Variants in ZNF510 observed in about 807,000 individuals in gnomAD.
ZNF510 encodes the protein zinc finger protein 510.
Under a neutral mutation model 18.1 loss-of-function variants are expected in ZNF510, and 15 were observed. That is an observed-to-expected ratio of 0.83 (90% CI 0.55 to 1.28). ZNF510 has a LOEUF of 1.28. ZNF510 is among the 50% of genes most tolerant of loss of function. The pLI is 0.00. For synonymous variants in ZNF510, 261 were observed against 266.4 expected (o/e 0.98, Z 0.20); for missense variants, 724 against 791.8 (o/e 0.91, Z 1.03).
At chr9:96,762,533 A>ATTT (rs1849378371) in intron 5 of ZNF510, among the ~76,000 whole-genome samples, 1 of 151,760 alleles carries the variant, frequency 6.6e-6, no homozygotes, top group Non-Finnish European at 1.5e-5. Context: ...AGAAAAGAAA[A>ATTT]AGAAAACATC....
At position 96,763,597 on chromosome 9, in the gene ZNF510, G is replaced by A. The variant is rs766147898; in HGVS notation, c.165C>T (p.Phe55=). 3 of 1,613,296 alleles carry A rather than the reference G, an allele frequency of 1.9e-6. No individual in the cohort carries two copies. Among genetic ancestry groups the A allele is most frequent in the Non-Finnish European group, 2.5e-6 (3 of 1,179,608 alleles). The part of the protein sequence containing the change: ...SVSFKDVTIE[F]TQEEWQQMAP... ...CCATTTGCTGCCACTCCTCCTGGGT[G>A]AATTCTATAGTCACGTCCTTGAATG... The change falls in exon 4 of 6, where the codon TTC becomes TTT. Residue 55 remains phenylalanine (F), a synonymous_variant. Coordinates refer to ENST00000223428, the MANE Select transcript of ZNF510 (RefSeq NM_014930.3).
At position 96,759,757 on chromosome 9, in the gene ZNF510, A is replaced by G. The variant is rs752461423; in HGVS notation, c.1073T>C (p.Val358Ala). The change falls in exon 6 of 6, where the codon GTC becomes GCC. Residue 358 changes from valine (V) to alanine (A), a missense_variant. By Grantham distance (64) the Val-to-Ala change is moderately conservative. Transcript: ENST00000223428. ...KAHLTDPQTA[V>A]IEENPLVSND... ...ACTTACCAATGGGTTCTCTTCTATG[A>G]CAGCTGTTTGAGGATCAGTGAGGTG... The G allele has an allele frequency of 1.2e-6, 2 of 1,614,040 alleles. No homozygotes were observed. Among genetic ancestry groups the G allele is most frequent in the Non-Finnish European group, 8.5e-7 (1 of 1,179,986 alleles).
At chr9:96,775,793 TGATG>T (rs1214902069) in intron 2 of ZNF510, among the ~76,000 whole-genome samples, 1 of 152,204 alleles carries the variant, frequency 6.6e-6, no homozygotes, top group Non-Finnish European at 1.5e-5. Flanking sequence ...ATGCTACATG[TGATG>T]GATGTTGTGT....
chr9:96,765,950 T>G (rs1849460822), intron 3 of ZNF510, among the ~76,000 whole-genome samples: 2 of 152,172 alleles, frequency 1.3e-5, no homozygotes, highest in African/African-American at 4.8e-5. Context: ...AGTTATGGTG[T>G]TGTTGGCCAT....
chr9:96,770,337 C>T (rs752572328), intron 3 of ZNF510, among the ~76,000 whole-genome samples: 9 of 151,584 alleles, frequency 5.9e-5, no homozygotes, highest in Non-Finnish European at 1.2e-4. Flanking sequence ...CACCTGTAAT[C>T]GCAGAACTTT....
At chr9:96,767,187 G>A (rs1849491065) in intron 3 of ZNF510, among the ~76,000 whole-genome samples, 1 of 152,082 alleles carries the variant, frequency 6.6e-6, no homozygotes, top group Non-Finnish European at 1.5e-5. Flanking sequence ...AATTAGCCAG[G>A]TGTGGTGGTG....
Position 96,755,194 on chromosome 9 carries a change from A to C in ZNF510, c.*3584T>G, listed in dbSNP as rs184255495. Among the ~76,000 whole-genome samples the C allele has an allele frequency of 6.6e-6, 1 of 152,342 alleles. No homozygotes were observed. The highest frequency in any genetic ancestry group is 1.5e-5 in the Non-Finnish European group (1 of 68,030). ...CCTCGGTGAATCAGTTCCACCCTAC[A>C]GGGTTCCTGATCCTTAATACCAAAC... is the stretch of plus-strand genomic sequence containing the variant. On this transcript the variant is annotated 3_prime_UTR_variant, in exon 6 of 6. Transcript: ENST00000223428.
intron 3 of ZNF510, among the ~76,000 whole-genome samples, chr9:96,764,564 TATG>T (rs1849426946): frequency 6.6e-6 from 1 of 152,230 alleles, no homozygotes; most frequent in African/African-American, 2.4e-5. Flanking sequence ...TCAGAGACCT[TATG>T]ATTGTCAAAA....
intron 3 of ZNF510, among the ~76,000 whole-genome samples, chr9:96,772,744 C>T (rs1007527598): frequency 3.3e-4 from 50 of 152,298 alleles, no homozygotes; most frequent in African/African-American, 1.2e-3. Context: ...AAGTGTTGCT[C>T]AGAATCTGGT....
chr9:96,766,380 A>ATT (rs542441576), intron 3 of ZNF510, among the ~76,000 whole-genome samples: 3 of 145,736 alleles, frequency 2.1e-5, no homozygotes, highest in African/African-American at 2.5e-5. Flanking sequence ...ACCACTACCA[A>ATT]TTTTTTTTTT....
chr9:96,774,735 C>G, intron 3 of ZNF510, 53 bp downstream of exon 3: 1 of 1,458,808 alleles, frequency 6.9e-7, no homozygotes, highest in Non-Finnish European at 9.6e-7. Flanking sequence ...AATATGTGGA[C>G]CCTTAAACAC....
chr9:96,763,072 C>A, intron 5 of ZNF510, 46 bp downstream of exon 5: 1 of 1,532,014 alleles, frequency 6.5e-7, no homozygotes, highest in South Asian at 1.1e-5. Flanking sequence ...GACCTGGAGT[C>A]TAACCACTCC....
At chr9:96,775,825 T>C (rs1849685609) in intron 2 of ZNF510, among the ~76,000 whole-genome samples, 175 bp downstream of exon 2, 1 of 152,194 alleles carries the variant, frequency 6.6e-6, no homozygotes, top group Non-Finnish European at 1.5e-5. Flanking sequence ...ACTCAGAATC[T>C]GGAAAGAGTG....
At position 96,759,721 on chromosome 9, in the gene ZNF510, G is replaced by T. The variant is rs1404426149; in HGVS notation, c.1109C>A (p.Thr370Lys). ...TTCAGAGGATTTAACCCAAGTCTGT[G>T]TTCTGTCATTACTTACCAATGGGTT... ...EENPLVSNDR[T>K]QTWVKSSEYH... The change falls in exon 6 of 6, where the codon ACA becomes AAA. Residue 370 changes from threonine (T) to lysine (K), a missense_variant. Thr to Lys is a moderately conservative substitution (Grantham distance 78, BLOSUM62 -1). Transcript: ENST00000223428. The T allele has an allele frequency of 6.2e-7, 1 of 1,613,848 alleles. No homozygotes were observed. Among genetic ancestry groups the T allele is most frequent in the African/African-American group, 1.3e-5 (1 of 74,930 alleles).
intron 3 of ZNF510, among the ~76,000 whole-genome samples, chr9:96,773,796 G>C (rs113024421): frequency 6.6e-6 from 1 of 152,086 alleles, no homozygotes; most frequent in African/African-American, 2.4e-5. Flanking sequence ...GGCTGGTCTC[G>C]AACTCCTGAC....
In ZNF510 at chr9:96,755,774, A is replaced by G. The variant is rs912510672; in HGVS notation, c.*3004T>C. The stretch of plus-strand genomic sequence containing the variant: ...ATTTAAAATCAGTGGGAAAAAGGTG[A>G]ATTAATCAATGGCATATGAAGTACT... On this transcript the variant is annotated 3_prime_UTR_variant, in exon 6 of 6. Coordinates refer to ENST00000223428, the MANE Select transcript of ZNF510 (RefSeq NM_014930.3). 16 of 152,218 alleles carry G rather than the reference A, an allele frequency of 1.1e-4. No individual in the cohort carries two copies. Among genetic ancestry groups the G allele is most frequent in the Admixed American group, 3.9e-4 (6 of 15,274 alleles). The allele number at this position is 152,218 out of a possible 1,614,324, so 9.4% of individuals were successfully genotyped here.
intron 3 of ZNF510, among the ~76,000 whole-genome samples, chr9:96,766,693 A>ACAGC (rs2117999760): frequency 6.6e-6 from 1 of 152,368 alleles, no homozygotes; most frequent in East Asian, 1.9e-4. Context: ...TTACAATCAT[A>ACAGC]CAGCGTAGCT....
At chr9:96,763,279 G>A (rs1026834457) in intron 4 of ZNF510, 66 bp from the exon 5 acceptor site, 1 of 1,529,884 alleles carries the variant, frequency 6.5e-7, no homozygotes, top group Middle Eastern at 1.7e-4. Context: ...AAAAGTGGAA[G>A]AAAATACAGC....
intron 3 of ZNF510, among the ~76,000 whole-genome samples, chr9:96,773,211 G>A: frequency 6.6e-6 from 1 of 151,954 alleles, no homozygotes. Context: ...TCTTAATCTG[G>A]GTACTAAATT....
Sources: allele counts gnomAD v4.1 joint callset (sites outside exome capture counted in the v4.1 genomes callset), GRCh38; gene constraint gnomAD v4.1.1; transcripts MANE v1.5; gene names NCBI Gene and HGNC (gene_info 2026-07-23, HGNC 2026-07-21).